The following CNTN5 variants were observed in gnomAD, a reference collection of about 807,000 sequenced individuals.
The protein encoded by CNTN5 is contactin 5.
CNTN5 carries 77 observed loss-of-function variants against 129.1 expected under a neutral mutation model. The observed-to-expected ratio is 0.60, with a 90% CI of 0.50 to 0.72. The LOEUF (loss-of-function observed/expected upper bound fraction) is 0.72. Ranked by LOEUF, CNTN5 falls within the 30% of genes least tolerant of loss-of-function variation. The pLI is 0.00. For synonymous variants in CNTN5, 509 were observed against 465.6 expected (o/e 1.09, Z -1.20); for missense variants, 1,478 against 1,328.8 (o/e 1.11, Z -1.75).
chr11:99,037,018 A>C (rs931052072), intron 1 of CNTN5, among the ~76,000 whole-genome samples: 5 of 152,192 alleles, frequency 3.3e-5, no homozygotes, highest in Non-Finnish European at 7.3e-5. Flanking sequence ...GAAAACATAG[A>C]GATGTTTGTA....
At chr11:99,754,000 T>G (rs77688612) in intron 3 of CNTN5, among the ~76,000 whole-genome samples, 1 of 101,862 alleles carries the variant, frequency 9.8e-6, no homozygotes, top group East Asian at 1.2e-3. Context: ...AAAAAAAAAA[T>G]AAATAACAAC....
chr11:99,830,738 T>A (rs1017715996), intron 4 of CNTN5, among the ~76,000 whole-genome samples: 1 of 152,182 alleles, frequency 6.6e-6, no homozygotes, highest in African/African-American at 2.4e-5. Flanking sequence ...ATTCTGCTAT[T>A]GTAGTCTTAA....
intron 2 of CNTN5, among the ~76,000 whole-genome samples, chr11:99,533,981 A>G (rs1947809048): frequency 6.6e-6 from 1 of 152,178 alleles, no homozygotes; most frequent in South Asian, 2.1e-4. Flanking sequence ...TACCATCTCT[A>G]TTAATTTTTA....
chr11:99,446,331 G>T (rs1035140676), intron 2 of CNTN5, among the ~76,000 whole-genome samples: 1 of 152,094 alleles, frequency 6.6e-6, no homozygotes, highest in Non-Finnish European at 1.5e-5. Context: ...ATGTGCTATT[G>T]ATCACAAATT....
chr11:100,070,001 T>TGA (rs1565211501), intron 10 of CNTN5, among the ~76,000 whole-genome samples: 3 of 151,966 alleles, frequency 2.0e-5, no homozygotes, highest in African/African-American at 7.2e-5. Flanking sequence ...CATTCAGGTG[T>TGA]TATATATATA....
chr11:100,207,685 T>G (rs2138575807), intron 15 of CNTN5, among the ~76,000 whole-genome samples: 1 of 152,268 alleles, frequency 6.6e-6, no homozygotes, highest in African/African-American at 2.4e-5. Context: ...TTGCCATTAT[T>G]TATCATTTGC....
intron 1 of CNTN5, among the ~76,000 whole-genome samples, chr11:99,073,901 T>C (rs1475259426): frequency 2.0e-5 from 3 of 150,356 alleles, no homozygotes; most frequent in African/African-American, 5.0e-5. Context: ...AGTAATGGGA[T>C]TGCTGGGTCA....
intron 3 of CNTN5, among the ~76,000 whole-genome samples, chr11:99,588,971 A>G (rs1256352216): frequency 1.3e-5 from 2 of 152,230 alleles, no homozygotes; most frequent in Non-Finnish European, 2.9e-5. Context: ...CTTAGGCTTG[A>G]TATTTTTGTG....
chr11:99,889,325 TGTGTGTGTGTG>T lies in CNTN5; in HGVS notation c.578-26728_578-26718del, dbSNP rs1948991115. Among the ~76,000 whole-genome samples the T allele has an allele frequency of 2.2e-3, 244 of 113,258 alleles. 10 individuals carry two copies. Among genetic ancestry groups the T allele is most frequent in the African/African-American group, 6.4e-3 (218 of 33,820 alleles). 74.3% of individuals were successfully genotyped at this position (113,258 alleles called of 152,430 possible). On this transcript the variant is annotated intron_variant, in intron 6 of 24. Transcript: ENST00000524871. ...GTGTGTGTGTGTGTGTGTGTGTGTG[TGTGTGTGTGTG>T]TGTGTGTGTGTGTGTGTGTGTATAT...
intron 1 of CNTN5, among the ~76,000 whole-genome samples, chr11:99,172,879 T>C (rs1453080980): frequency 6.6e-6 from 1 of 152,216 alleles, no homozygotes; most frequent in Non-Finnish European, 1.5e-5. Flanking sequence ...TTAAGTATAA[T>C]TCTTGTATTA....
At chr11:99,413,630 C>A (rs902780976) in intron 2 of CNTN5, among the ~76,000 whole-genome samples, 7 of 151,370 alleles carry the variant, frequency 4.6e-5, no homozygotes, top group South Asian at 2.1e-4. Flanking sequence ...AAAAACAAAA[C>A]AAAACAAAAC....
At chr11:99,995,737 GT>G in intron 8 of CNTN5, among the ~76,000 whole-genome samples, 1 of 152,254 alleles carries the variant, frequency 6.6e-6, no homozygotes, top group East Asian at 1.9e-4. Context: ...AATCATGGCT[GT>G]TTTCTATGTG....
At chr11:99,074,651 A>C (rs1462883016) in intron 1 of CNTN5, among the ~76,000 whole-genome samples, 1 of 152,088 alleles carries the variant, frequency 6.6e-6, no homozygotes, top group African/African-American at 2.4e-5. Context: ...AACCTTTTTA[A>C]ATAAAACTTG....
chr11:99,154,454 C>T (rs566608388), intron 1 of CNTN5, among the ~76,000 whole-genome samples: 73 of 152,252 alleles, frequency 4.8e-4, no homozygotes, highest in African/African-American at 1.6e-3. Flanking sequence ...GCTAGGTTCC[C>T]GTGTTTGAGC....
chr11:99,094,668 A>G, intron 1 of CNTN5, among the ~76,000 whole-genome samples: 1 of 152,108 alleles, frequency 6.6e-6, no homozygotes, highest in African/African-American at 2.4e-5. Context: ...TGGCCACGGA[A>G]GGAGTAGCTG....
At chr11:99,561,368 A>T (rs138315163) in intron 3 of CNTN5, among the ~76,000 whole-genome samples, 1 of 152,328 alleles carries the variant, frequency 6.6e-6, no homozygotes, top group East Asian at 1.9e-4. Context: ...TCATAAGTCC[A>T]TATTGATATA....
chr11:100,009,515 G>A (rs562787927), intron 9 of CNTN5, among the ~76,000 whole-genome samples: 2 of 152,056 alleles, frequency 1.3e-5, no homozygotes, highest in African/African-American at 2.4e-5. Flanking sequence ...CATATGGAAG[G>A]TTATTATCAA....
chr11:100,195,343 T>A (rs1332695437), intron 15 of CNTN5, among the ~76,000 whole-genome samples: 1 of 151,996 alleles, frequency 6.6e-6, no homozygotes, highest in Non-Finnish European at 1.5e-5. Flanking sequence ...ATGTACCTGG[T>A]GAAGTTACAT....
intron 2 of CNTN5, among the ~76,000 whole-genome samples, chr11:99,440,070 A>G (rs1281138346): frequency 6.6e-6 from 1 of 152,194 alleles, no homozygotes; most frequent in African/African-American, 2.4e-5. Flanking sequence ...CTGAGGATTT[A>G]ATTCACTCTA....
Sources: gnomAD v4.1 joint callset for allele counts (sites outside exome capture counted in the v4.1 genomes callset) on GRCh38, gnomAD v4.1.1 for gene constraint, MANE v1.5 for transcripts, NCBI Gene and HGNC (gene_info 2026-07-23, HGNC 2026-07-21) for gene names.